HPSE2: variants seen among roughly 807,000 people sequenced by gnomAD.
The protein encoded by HPSE2 is inactive heparanase-2.
A neutral mutation model predicts 60.5 loss-of-function variants in HPSE2; 38 were observed. The ratio of observed to expected loss-of-function variants is 0.63; its 90% CI spans 0.48 to 0.82. The LOEUF (loss-of-function observed/expected upper bound fraction) is 0.82, where lower values mean the gene tolerates loss of function less well. Among genes scored for constraint, HPSE2 ranks in the 40% least tolerant of loss-of-function variants. HPSE2 has a pLI of 0.00. For missense variants in HPSE2, 713 were observed against 740.4 expected (o/e 0.96, Z 0.43); for synonymous variants, 295 against 293.2 (o/e 1.01, Z -0.06).
chr10:99,280,066 G>A, the HPSE2 span, among the ~76,000 whole-genome samples: 2 of 152,174 alleles, frequency 1.3e-5, no homozygotes, highest in African/African-American at 4.8e-5. Context: ...TTCTTCACTG[G>A]CTTTGCCATT....
At chr10:98,852,646 C>T (rs117318373) in intron 3 of HPSE2, among the ~76,000 whole-genome samples, 210 of 152,294 alleles carry the variant, frequency 1.4e-3, no homozygotes, top group Middle Eastern at 3.4e-3. Context: ...TCTTTTTGTC[C>T]AATTACATTT....
intron 2 of HPSE2, among the ~76,000 whole-genome samples, chr10:99,231,273 A>T (rs1305683577): frequency 6.6e-6 from 1 of 152,240 alleles, no homozygotes; most frequent in Non-Finnish European, 1.5e-5. Flanking sequence ...TGTAAGGACA[A>T]GATATAACAA....
At chr10:99,046,525 A>C (rs1431537138) in intron 3 of HPSE2, among the ~76,000 whole-genome samples, 3 of 152,148 alleles carry the variant, frequency 2.0e-5, no homozygotes, top group African/African-American at 4.8e-5. Flanking sequence ...ATAGGAAAAG[A>C]AGACATCAAA....
intron 3 of HPSE2, among the ~76,000 whole-genome samples, chr10:98,931,072 G>C (rs1954628358): frequency 6.9e-6 from 1 of 143,942 alleles, no homozygotes; most frequent in Admixed American, 6.9e-5. Context: ...GTATTGCCTA[G>C]ATTTTCTTCT....
chr10:99,241,980 T>G, the HPSE2 span, among the ~76,000 whole-genome samples: 9 of 152,198 alleles, frequency 5.9e-5, no homozygotes, highest in African/African-American at 1.9e-4. Flanking sequence ...TACCACATAT[T>G]TTAATCATGT....
intron 3 of HPSE2, among the ~76,000 whole-genome samples, chr10:98,948,261 C>T (rs928545612): frequency 2.0e-5 from 3 of 152,086 alleles, no homozygotes; most frequent in African/African-American, 7.2e-5. Flanking sequence ...ATAACAGAGC[C>T]AGTCAAGGAA....
At chr10:98,483,594 T>TTTGAGGCAGAG (rs1941328519) in intron 10 of HPSE2, among the ~76,000 whole-genome samples, 1 of 152,182 alleles carries the variant, frequency 6.6e-6, no homozygotes, top group Non-Finnish European at 1.5e-5. Flanking sequence ...GGAAGATTTT[T>TTTGAGGCAGAG]TCTTCCTGCC....
At chr10:98,675,262 CT>C (rs1485453505) in intron 6 of HPSE2, among the ~76,000 whole-genome samples, 2 of 152,096 alleles carry the variant, frequency 1.3e-5, no homozygotes, top group Non-Finnish European at 2.9e-5. Context: ...CAGATCTCAC[CT>C]TCTAAAAGAT....
At chr10:98,863,545 T>A (rs1952511720) in intron 3 of HPSE2, among the ~76,000 whole-genome samples, 1 of 152,154 alleles carries the variant, frequency 6.6e-6, no homozygotes, top group African/African-American at 2.4e-5. Context: ...GGTTAGTCAG[T>A]AGAAGAAACC....
chr10:99,078,032 C>T (rs1051165955), intron 3 of HPSE2, among the ~76,000 whole-genome samples: 50 of 152,114 alleles, frequency 3.3e-4, no homozygotes, highest in African/African-American at 1.2e-3. Flanking sequence ...CTGTCTTGCT[C>T]CCGTTCCATG....
intron 6 of HPSE2, among the ~76,000 whole-genome samples, chr10:98,673,969 C>A (rs1947571037): frequency 6.6e-6 from 1 of 152,122 alleles, no homozygotes; most frequent in Admixed American, 6.6e-5. Flanking sequence ...CCTGGGAAAT[C>A]TTATTAAAAT....
At chr10:99,153,458 A>G (rs897788703) in intron 2 of HPSE2, among the ~76,000 whole-genome samples, 2 of 152,204 alleles carry the variant, frequency 1.3e-5, no homozygotes, top group African/African-American at 2.4e-5. Flanking sequence ...ACCCCCGAGC[A>G]GCCTAACTGG....
intron 3 of HPSE2, among the ~76,000 whole-genome samples, chr10:98,973,625 T>C (rs1448223794): frequency 3.3e-5 from 5 of 152,202 alleles, no homozygotes; most frequent in Non-Finnish European, 7.3e-5. Flanking sequence ...TTCTGAAATA[T>C]ATTGTCTTGA....
intron 2 of HPSE2, among the ~76,000 whole-genome samples, chr10:99,169,698 G>GCAGGA (rs1167353349): frequency 1.3e-5 from 2 of 152,116 alleles, no homozygotes; most frequent in Non-Finnish European, 2.9e-5. Context: ...GTCCTGCCCT[G>GCAGGA]CAGGACAGTT....
At chr10:98,945,101 C>T (rs1955140506) in intron 3 of HPSE2, among the ~76,000 whole-genome samples, 1 of 152,100 alleles carries the variant, frequency 6.6e-6, no homozygotes, top group Admixed American at 6.6e-5. Flanking sequence ...TTGCAAATTG[C>T]TTTGCTGAAA....
intron 6 of HPSE2, among the ~76,000 whole-genome samples, chr10:98,644,139 A>G (rs1282444995): frequency 6.6e-6 from 1 of 152,134 alleles, no homozygotes; most frequent in Non-Finnish European, 1.5e-5. Context: ...AAGTACCCAG[A>G]ATCTGGAGTT....
intron 3 of HPSE2, among the ~76,000 whole-genome samples, chr10:99,103,734 T>C (rs959730339): frequency 6.6e-6 from 1 of 152,082 alleles, no homozygotes; most frequent in Non-Finnish European, 1.5e-5. Context: ...CTTCAAACTA[T>C]ACTACAAGGC....
chr10:98,962,423 C>T (rs1252554554), intron 3 of HPSE2, among the ~76,000 whole-genome samples: 2 of 151,682 alleles, frequency 1.3e-5, no homozygotes, highest in East Asian at 3.9e-4. Context: ...TTTCCTTGAG[C>T]AGTGGTTTGT....
chr10:99,263,578 T>TA, the HPSE2 span, among the ~76,000 whole-genome samples: 1 of 152,206 alleles, frequency 6.6e-6, no homozygotes, highest in Non-Finnish European at 1.5e-5. Flanking sequence ...GGGGAACACT[T>TA]ACGCTGGTAA....
Sources: gnomAD v4.1 joint callset for allele counts (sites outside exome capture counted in the v4.1 genomes callset) on GRCh38, gnomAD v4.1.1 for gene constraint, MANE v1.5 for transcripts, NCBI Gene and HGNC (gene_info 2026-07-23, HGNC 2026-07-21) for gene names.